PXDN: variants seen among roughly 807,000 people sequenced by gnomAD.
The protein encoded by PXDN is peroxidasin homolog.
A neutral mutation model predicts 140.3 loss-of-function variants in PXDN; 77 were observed. That is an observed-to-expected ratio of 0.55 (90% CI 0.46 to 0.66). PXDN has a LOEUF of 0.66. PXDN is among the 30% of genes least tolerant of loss of function. The probability of loss-of-function intolerance (pLI) is 0.00; values close to 1 mark genes in which losing one functional copy is unlikely to be tolerated. For synonymous variants in PXDN, 911 were observed against 857.4 expected, an observed-to-expected ratio of 1.06 and a Z score of -1.09; for missense variants, 1,838 against 2,039.5, an observed-to-expected ratio of 0.90 and a Z score of 1.90.
chr2:1,677,334 C>T (rs889769122), intron 7 of PXDN, among the ~76,000 whole-genome samples: 5 of 152,214 alleles, frequency 3.3e-5, no homozygotes, highest in Admixed American at 6.5e-5. Context: ...GGCGTCCCCT[C>T]GAGGCCCTCT....
intron 1 of PXDN, among the ~76,000 whole-genome samples, chr2:1,743,205 G>A (rs1031709028): frequency 1.3e-5 from 2 of 152,228 alleles, no homozygotes; most frequent in South Asian, 2.1e-4. Flanking sequence ...TCCTGCTGTG[G>A]AGACCGTGAC....
At position 1,662,169 on chromosome 2, in the gene PXDN, G is replaced by A. The variant is rs1031849117; in HGVS notation, c.1583C>T (p.Ala528Val). Residue 528 changes from alanine (A) to valine (V), a missense_variant, in exon 13 of 23, where the codon GCC becomes GTC. Around this residue, in one of 5 missense-constraint regions of PXDN, gnomAD observed 537 missense variants for 583.9 expected, o/e 0.92. Transcript: ENST00000252804. ...TVQPRVTPVF[A>V]SIPSDTTVEV... is the part of the protein sequence containing the mutation. ...CACTGTTGTGTCGCTGGGAATGCTG[G>A]CAAACACTGGGGTGACTGGAAGGCA... 8.2e-6 allele frequency: 13 copies of A among 1,588,276 alleles called. No homozygotes were observed. The East Asian group carries it at 2.7e-4, about 33-fold the overall frequency.
chr2:1,739,433 T>C (rs1685490063), intron 1 of PXDN, among the ~76,000 whole-genome samples: 1 of 152,148 alleles, frequency 6.6e-6, no homozygotes, highest in South Asian at 2.1e-4. Context: ...TAGAGAAGGA[T>C]ATGCTTTCTT....
chr2:1,720,027 GA>G (rs781234341), intron 1 of PXDN, among the ~76,000 whole-genome samples: 6 of 81,806 alleles, frequency 7.3e-5, no homozygotes, highest in Admixed American at 1.2e-4. Flanking sequence ...GAGAGAGAGA[GA>G]GAGAGGGAGG....
intron 19 of PXDN, among the ~76,000 whole-genome samples, chr2:1,640,577 A>G (rs1682701926): frequency 6.6e-6 from 1 of 152,206 alleles, no homozygotes; most frequent in South Asian, 2.1e-4. Context: ...GCAGTTAACT[A>G]TACAGCTTCT....
chr2:1,649,455 G>C lies in PXDN; in HGVS notation c.2325C>G (p.Phe775Leu). Residue 775 changes from phenylalanine (F) to leucine (L), a missense_variant, in exon 17 of 23, where the codon TTC becomes TTG. By Grantham distance (22) the Phe-to-Leu change is conservative. This residue lies in a region of PXDN where 537 missense variants were observed against 583.9 expected (regional missense o/e 0.92). Transcript: ENST00000252804. This position sits in a 1 kb window ranked among gnomAD's most constrained non-coding sequence, Gnocchi z 7.1. ...GGGGGTTGATGCCCCGAGGGGTGTT[G>C]AAGCCATTCTCGTACACGGATTTCA... ...RLLKSVYENG[F>L]NTPRGINPHR... 1 of 1,614,010 alleles carries C rather than the reference G, an allele frequency of 6.2e-7. No homozygotes were observed.
intron 6 of PXDN, among the ~76,000 whole-genome samples, chr2:1,680,899 T>A (rs1224163341): frequency 6.6e-6 from 1 of 152,146 alleles, no homozygotes; most frequent in Admixed American, 6.5e-5. Flanking sequence ...CTAAGTTTCC[T>A]GAGGTCCAAG....
chr2:1,697,612 C>T (rs1331883766), intron 1 of PXDN, among the ~76,000 whole-genome samples: 4 of 151,916 alleles, frequency 2.6e-5, no homozygotes, highest in African/African-American at 9.7e-5. Context: ...ATAATCCTAA[C>T]GGGGGGGGAA....
intron 1 of PXDN, among the ~76,000 whole-genome samples, chr2:1,726,681 CAT>C (rs1685193956): frequency 6.6e-6 from 1 of 152,166 alleles, no homozygotes; most frequent in Non-Finnish European, 1.5e-5. Flanking sequence ...GAGTTCCTTA[CAT>C]GTTTTAGATG....
chr2:1,706,439 C>T (rs1457282620), intron 1 of PXDN, among the ~76,000 whole-genome samples: 1 of 152,280 alleles, frequency 6.6e-6, no homozygotes, highest in Non-Finnish European at 1.5e-5. Flanking sequence ...ACTAATAATA[C>T]AACCTGAGAG....
chr2:1,661,053 A>G lies in PXDN; in HGVS notation c.1681-16T>C. On this transcript the variant is annotated splice_polypyrimidine_tract_variant and intron_variant, in intron 13 of 22. Coordinates refer to ENST00000252804, the MANE Select transcript of PXDN (RefSeq NM_012293.3). ...GAACCCCATCCTGGAGCAAAACAGA[A>G]TGAAAACAGTATTAGAAATAAGACT... The G allele has an allele frequency of 6.2e-7, 1 of 1,613,800 alleles. No homozygotes were observed. Among genetic ancestry groups the G allele is most frequent in the Non-Finnish European group, 8.5e-7 (1 of 1,179,706 alleles).
intron 1 of PXDN, among the ~76,000 whole-genome samples, chr2:1,696,391 G>GT (rs142206776): frequency 0.025 from 3,797 of 152,050 alleles, 154 homozygotes; most frequent in African/African-American, 0.083. Flanking sequence ...CTATGAAGAG[G>GT]GTAAAACAAA....
chr2:1,632,158 A>G lies in PXDN; in HGVS notation c.*2046T>C, dbSNP rs1182011970. 4 of 152,396 alleles carry G rather than the reference A, an allele frequency of 2.6e-5. No homozygotes were observed. Among genetic ancestry groups the G allele is most frequent in the Non-Finnish European group, 5.9e-5 (4 of 68,038 alleles). 9.4% of individuals were successfully genotyped at this position (152,396 alleles called of 1,614,324 possible). A position where few individuals can be genotyped will look rare whatever the true frequency, so the allele number is the denominator to read the frequency against. ...GCAGACATTTTGGTTTGAATTACAG[A>G]ATTTTTTTTGGTAAATCACAGTCAG... On this transcript the variant is annotated 3_prime_UTR_variant, in exon 23 of 23. Coordinates refer to ENST00000252804, the MANE Select transcript of PXDN (RefSeq NM_012293.3). The surrounding 1 kb of genome is among the most constrained non-coding windows in gnomAD (Gnocchi z 4.3).
intron 1 of PXDN, among the ~76,000 whole-genome samples, chr2:1,698,146 T>A (rs939360264): frequency 6.6e-6 from 1 of 152,166 alleles, no homozygotes; most frequent in Non-Finnish European, 1.5e-5. Flanking sequence ...CCAATGACAG[T>A]AAGCAGCGGT....
intron 12 of PXDN, among the ~76,000 whole-genome samples, chr2:1,663,394 G>A (rs775987739): frequency 1.3e-5 from 2 of 152,134 alleles, no homozygotes; most frequent in Non-Finnish European, 2.9e-5. Flanking sequence ...TGAAAAATAA[G>A]CAAATGTTTT....
At chr2:1,742,782 TGGTCTCTCTGC>T (rs1385348996) in intron 1 of PXDN, among the ~76,000 whole-genome samples, 2 of 152,156 alleles carry the variant, frequency 1.3e-5, no homozygotes, top group East Asian at 3.9e-4. Flanking sequence ...AAGAAAGCCT[TGGTCTCTCTGC>T]GGAGGAGGAG....
rs750233782 is a variant in PXDN at position 1,687,163 on chromosome 2, A to C, written c.416+469T>G. 1.3e-5 allele frequency among the ~76,000 whole-genome samples: 2 copies of C among 152,260 alleles called. No homozygotes were observed. Among genetic ancestry groups the C allele is most frequent in the Non-Finnish European group, 2.9e-5 (2 of 68,058 alleles). ...GGGAAAGAAAGGTTTTCTCCAAAATAATGTCACCACAATTGAAGAAATTCA... is the reference window on the plus strand; with the variant it reads ...GGGAAAGAAAGGTTTTCTCCAAAATCATGTCACCACAATTGAAGAAATTCA... On this transcript the variant is annotated intron_variant, in intron 4 of 22. Transcript: ENST00000252804. The surrounding 1 kb of genome is among the most constrained non-coding windows in gnomAD (Gnocchi z 4.0).
chr2:1,660,962 G>A lies in PXDN; in HGVS notation c.1756C>T (p.Pro586Ser). The change falls in exon 14 of 23, where the codon CCT (proline) becomes TCT (serine). Residue 586 changes from proline (P) to serine (S), a missense_variant. Physicochemically the swap from Pro to Ser is moderately conservative, Grantham distance 74 (BLOSUM62 -1). Around this residue, in one of 5 missense-constraint regions of PXDN, gnomAD observed 537 missense variants for 583.9 expected, o/e 0.92. Coordinates refer to ENST00000252804, the MANE Select transcript of PXDN (RefSeq NM_012293.3). This position sits in a 1 kb window ranked among gnomAD's most constrained non-coding sequence, Gnocchi z 4.6. ...CACTCATAGCGACCTGCGTCTGCAGGGCCAACGTCATTGATGGTCAAGAAT... is the reference window on the plus strand; with the variant it reads ...CACTCATAGCGACCTGCGTCTGCAGAGCCAACGTCATTGATGGTCAAGAAT... ...EGFLTINDVGPADAGRYECVA... is the reference protein window; with the variant it reads ...EGFLTINDVGSADAGRYECVA... 6.2e-7 allele frequency: 1 copy of A among 1,613,972 alleles called. No homozygotes were observed. The highest frequency in any genetic ancestry group is 8.5e-7 in the Non-Finnish European group (1 of 1,179,892).
chr2:1,643,896 C>T (rs796686867), intron 18 of PXDN, among the ~76,000 whole-genome samples: 1 of 151,832 alleles, frequency 6.6e-6, no homozygotes, highest in African/African-American at 2.4e-5. Context: ...CACAGTGAAA[C>T]CCCATCTCTA....
Sources: gnomAD v4.1 joint callset for allele counts (sites outside exome capture counted in the v4.1 genomes callset) on GRCh38, gnomAD v4.1.1 for gene constraint, gnomAD v4.1.1 regional missense constraint, Gnocchi (gnomAD v3.1) non-coding constraint, MANE v1.5 for transcripts, NCBI Gene and HGNC (gene_info 2026-07-23, HGNC 2026-07-21) for gene names.